Variants in THADA observed in about 807,000 individuals in gnomAD.
THADA encodes the protein tRNA (32-2'-O)-methyltransferase regulator THADA.
THADA carries 213 observed loss-of-function variants against 219.8 expected under a neutral mutation model. The observed-to-expected ratio is 0.97, with a 90% CI of 0.87 to 1.09. The LOEUF (loss-of-function observed/expected upper bound fraction) is 1.09, where lower values mean the gene tolerates loss of function less well. Among genes scored for constraint, THADA ranks in the 50% least tolerant of loss-of-function variants. THADA has a pLI of 0.00. For missense variants in THADA, 2,956 were observed against 2,311.3 expected (o/e 1.28, Z -5.72); for synonymous variants, 1,018 against 828.9 (o/e 1.23, Z -3.92).
At chr2:43,463,448 C>A (rs886982853) in intron 26 of THADA, among the ~76,000 whole-genome samples, 1 of 152,176 alleles carries the variant, frequency 6.6e-6, no homozygotes, top group African/African-American at 2.4e-5. Flanking sequence ...CAGTTATTAA[C>A]TTCATAAAAA....
intron 26 of THADA, among the ~76,000 whole-genome samples, chr2:43,479,613 TA>T (rs527450627): frequency 0.036 from 5,210 of 144,084 alleles, 176 homozygotes; most frequent in African/African-American, 0.09. Flanking sequence ...AGATAAATGT[TA>T]AAAAAAAAAA....
intron 26 of THADA, among the ~76,000 whole-genome samples, chr2:43,446,193 ATAGTTT>A (rs1364249871): frequency 2.0e-5 from 3 of 152,238 alleles, no homozygotes; most frequent in African/African-American, 7.2e-5. Context: ...ATTAACTGTT[ATAGTTT>A]AATTCAATAA....
At chr2:43,483,623 G>A (rs1319637468) in intron 26 of THADA, among the ~76,000 whole-genome samples, 1 of 151,896 alleles carries the variant, frequency 6.6e-6, no homozygotes, top group Non-Finnish European at 1.5e-5. Flanking sequence ...AATTTATAAT[G>A]GAGGTTTCCA....
At chr2:43,500,108 C>T (rs551895375) in intron 24 of THADA, among the ~76,000 whole-genome samples, 1 of 152,080 alleles carries the variant, frequency 6.6e-6, no homozygotes, top group East Asian at 1.9e-4. Flanking sequence ...TAAGACTGTA[C>T]CACTCCACTC....
In THADA at chr2:43,323,458, A is replaced by C. The variant is rs190532883; in HGVS notation, c.4344-2918T>G. On this transcript the variant is annotated intron_variant, in intron 30 of 37. Transcript: ENST00000405975. ...CTGTTACTCTTCCATCCACTATGGA[A>C]AGCCCACAGTCTATAAAAACTTCAT... Among the ~76,000 whole-genome samples the C allele has an allele frequency of 7.9e-4, 120 of 152,326 alleles. 1 individual carries two copies. Among genetic ancestry groups the C allele is most frequent in the Non-Finnish European group, 3.8e-4 (26 of 68,024 alleles).
In THADA at chr2:43,452,106, CAGAA is replaced by C. The variant is rs199565664; in HGVS notation, c.3837-21808_3837-21805del. ...TTGGTGACAGAGCGAGACTCCATCT[CAGAA>C]AGAAAGAAAGAAAAAAGAAATTGCC... On this transcript the variant is annotated intron_variant, in intron 26 of 37. Coordinates refer to ENST00000405975, the MANE Select transcript of THADA (RefSeq NM_022065.5). Among the ~76,000 whole-genome samples, 126 of 152,184 alleles carry C rather than the reference CAGAA, an allele frequency of 8.3e-4. No homozygotes were observed. The East Asian group carries it at 0.011, about 13-fold the overall frequency.
chr2:43,367,023 G>A lies in THADA; in HGVS notation c.4228-22786C>T, dbSNP rs1670234356. 2.0e-5 allele frequency among the ~76,000 whole-genome samples: 3 copies of A among 152,146 alleles called. No individual in the cohort carries two copies. In the South Asian group the frequency reaches 6.2e-4, roughly 32 times the overall value. ...TATTCAGCATTAAAAAGAAAATTCT[G>A]ACACATGCCAAAACACAGATGAACC... On this transcript the variant is annotated intron_variant, in intron 29 of 37. Coordinates refer to ENST00000405975, the MANE Select transcript of THADA (RefSeq NM_022065.5).
Position 43,297,118 on chromosome 2 carries a change from A to C in THADA, c.4439-3905T>G, listed in dbSNP as rs1255021795. ...GGAGCGCCTCTTCCCAGCCGCCATC[A>C]CATCTAGGAAGTGAGGAGCGTCTCT... On this transcript the variant is annotated intron_variant, in intron 31 of 37. Coordinates refer to ENST00000405975, the MANE Select transcript of THADA (RefSeq NM_022065.5). Among the ~76,000 whole-genome samples the C allele has an allele frequency of 1.2e-4, 9 of 72,986 alleles. No homozygotes were observed. The East Asian group carries it at 2.2e-3, about 18-fold the overall frequency. The allele number at this position is 72,986 out of a possible 152,430, so 47.9% of individuals were successfully genotyped here. A position where few individuals can be genotyped will look rare whatever the true frequency, so the allele number is the denominator to read the frequency against.
intron 29 of THADA, among the ~76,000 whole-genome samples, chr2:43,389,445 C>T (rs897683762): frequency 1.3e-5 from 2 of 152,128 alleles, no homozygotes; most frequent in Non-Finnish European, 2.9e-5. Flanking sequence ...CATAGCGATA[C>T]CCTAGTCTCT....
intron 29 of THADA, among the ~76,000 whole-genome samples, chr2:43,381,930 C>T (rs977268370): frequency 6.6e-6 from 1 of 152,064 alleles, no homozygotes. Context: ...ACCCTGGATA[C>T]GACATGATGA....
intron 28 of THADA, among the ~76,000 whole-genome samples, chr2:43,413,555 A>G (rs1479870081): frequency 1.3e-5 from 2 of 152,250 alleles, no homozygotes; most frequent in Non-Finnish European, 2.9e-5. Flanking sequence ...GAACATATCA[A>G]TATCACTATT....
At chr2:43,557,449 G>C (rs966294313) in intron 16 of THADA, among the ~76,000 whole-genome samples, 1 of 152,260 alleles carries the variant, frequency 6.6e-6, no homozygotes, top group South Asian at 2.1e-4. Flanking sequence ...TAGTTCACTG[G>C]AGAAAACTGC....
chr2:43,439,005 G>GATACC (rs1259766109), intron 26 of THADA, among the ~76,000 whole-genome samples: 1 of 152,174 alleles, frequency 6.6e-6, no homozygotes, highest in Non-Finnish European at 1.5e-5. Context: ...TTGCCTATGT[G>GATACC]ATAAGATAAA....
intron 30 of THADA, among the ~76,000 whole-genome samples, chr2:43,322,761 C>G (rs1678889844): frequency 7.6e-6 from 1 of 131,306 alleles, no homozygotes; most frequent in Non-Finnish European, 1.6e-5. Context: ...TCTTGGCTCA[C>G]TGCAAGCCCC....
intron 36 of THADA, among the ~76,000 whole-genome samples, chr2:43,276,647 A>G (rs1198198730): frequency 1.3e-5 from 2 of 152,162 alleles, no homozygotes; most frequent in African/African-American, 2.4e-5. Flanking sequence ...GTTCTGAGGA[A>G]GGCAGGACAG....
At chr2:43,338,318 G>A (rs371823733) in intron 30 of THADA, among the ~76,000 whole-genome samples, 5 of 151,904 alleles carry the variant, frequency 3.3e-5, no homozygotes, top group African/African-American at 1.2e-4. Flanking sequence ...AACCACACCT[G>A]GCTAATTTTT....
At chr2:43,427,692 C>T (rs1051064985) in intron 28 of THADA, among the ~76,000 whole-genome samples, 1 of 149,336 alleles carries the variant, frequency 6.7e-6, no homozygotes, top group Non-Finnish European at 1.5e-5. Context: ...CGCGGTGGCT[C>T]ATGCCTGTAA....
rs766897390 is a variant in THADA at position 43,574,525 on chromosome 2, C to A, written c.1540G>T (p.Ala514Ser). 5 of 1,613,848 alleles carry A rather than the reference C, an allele frequency of 3.1e-6. No individual in the cohort carries two copies. In the African/African-American group the frequency reaches 5.3e-5, roughly 17 times the overall value. ...CACTGGTCAATCCAAGAACTCTCAG[C>A]AGTCTGGGATTTCAAATGACTCTTA... ...NHKSHLKSQTAESSWIDQWHE... is the reference protein window; with the variant it reads ...NHKSHLKSQTSESSWIDQWHE... Residue 514 changes from alanine (A) to serine (S), a missense_variant, in exon 11 of 38, where the codon GCT (alanine) becomes TCT (serine). Ala to Ser is a moderately conservative substitution (Grantham distance 99). Transcript: ENST00000405975.
At chr2:43,319,445 G>A (rs1190243592) in intron 31 of THADA, among the ~76,000 whole-genome samples, 2 of 152,196 alleles carry the variant, frequency 1.3e-5, no homozygotes, top group African/African-American at 2.4e-5. Context: ...TATTACCTCT[G>A]CATGGCCACA....
Sources: gnomAD v4.1 joint callset for allele counts (sites outside exome capture counted in the v4.1 genomes callset) on GRCh38, gnomAD v4.1.1 for gene constraint, MANE v1.5 for transcripts, NCBI Gene and HGNC (gene_info 2026-07-23, HGNC 2026-07-21) for gene names.